The following PSMA6 variants were observed in gnomAD, a reference collection of about 807,000 sequenced individuals.
The protein encoded by PSMA6 is proteasome subunit alpha type-6.
For missense variants in PSMA6, 170 were observed against 294.8 expected (o/e 0.58, Z 3.10); for synonymous variants, 88 against 97.7 (o/e 0.90, Z 0.59).
chr14:35,294,624 T>C (rs1566552593), intron 1 of PSMA6, among the ~76,000 whole-genome samples: 1 of 152,176 alleles, frequency 6.6e-6, no homozygotes, highest in Admixed American at 6.5e-5. Context: ...AGGCAATGTA[T>C]GTAGAGTGCT....
chr14:35,308,741 T>C (rs1239782444), intron 2 of PSMA6, 173 bp from the exon 3 acceptor site: 2 of 523,910 alleles, frequency 3.8e-6, no homozygotes, highest in African/African-American at 4.0e-5. Context: ...GAAACTAAAA[T>C]TGATTTTAAC....
chr14:35,291,823 C>CACAA (rs1407085541), upstream of PSMA6, among the ~76,000 whole-genome samples: 1 of 47,742 alleles, frequency 2.1e-5, no homozygotes, highest in Non-Finnish European at 4.7e-5. Context: ...AACTCTGTCT[C>CACAA]AAAAAAAAAA....
intron 1 of PSMA6, chr14:35,292,933 C>T (rs1479977682): frequency 1.1e-5 from 5 of 469,850 alleles, no homozygotes; most frequent in Admixed American, 4.7e-5. Context: ...TGCCTCCTCT[C>T]CGTTTTCCTT....
chr14:35,309,746 A>C (rs528357782), intron 3 of PSMA6, among the ~76,000 whole-genome samples: 2 of 152,292 alleles, frequency 1.3e-5, no homozygotes, highest in South Asian at 4.1e-4. Flanking sequence ...CAGTGAGCTG[A>C]GATTGTACTA....
chr14:35,285,359 A>AAC (rs1555335409), intron 1 of PSMA6, among the ~76,000 whole-genome samples: 6 of 150,582 alleles, frequency 4.0e-5, no homozygotes, highest in East Asian at 1.9e-4. Context: ...AAAAAACAAA[A>AAC]AAAAAAACCG....
At chr14:35,286,804 C>A (rs2138705854) in intron 1 of PSMA6, among the ~76,000 whole-genome samples, 1 of 152,156 alleles carries the variant, frequency 6.6e-6, no homozygotes, top group East Asian at 1.9e-4. Flanking sequence ...TGTGTGACTT[C>A]TATGTTGCTA....
At chr14:35,282,987 C>T (rs1281037870) in intron 1 of PSMA6, among the ~76,000 whole-genome samples, 7 of 151,954 alleles carry the variant, frequency 4.6e-5, no homozygotes, top group African/African-American at 1.7e-4. Flanking sequence ...GGACTACAGG[C>T]GTGCACCACC....
At chr14:35,304,813 T>C (rs966541673) in intron 1 of PSMA6, among the ~76,000 whole-genome samples, 2 of 152,010 alleles carry the variant, frequency 1.3e-5, no homozygotes, top group African/African-American at 2.4e-5. Flanking sequence ...GGGTTATGGC[T>C]CATACCTGCT....
At chr14:35,292,198 C>T (rs1430049285), upstream of PSMA6, 16 of 800,900 alleles carry the variant, frequency 2.0e-5, no homozygotes, top group Non-Finnish European at 2.7e-5. Flanking sequence ...CTGAAAGCGC[C>T]ACGACCCAAG....
At chr14:35,312,432 G>A (rs535234588) in intron 4 of PSMA6, among the ~76,000 whole-genome samples, 43 of 150,520 alleles carry the variant, frequency 2.9e-4, no homozygotes, top group Admixed American at 6.7e-4. Context: ...GCGTGAACCC[G>A]GGAGGAGGAG....
intron 1 of PSMA6, among the ~76,000 whole-genome samples, chr14:35,301,789 A>T (rs574895384): frequency 3.9e-4 from 60 of 152,234 alleles, no homozygotes; most frequent in African/African-American, 1.4e-3. Flanking sequence ...TAGGGAAGAT[A>T]CTCTTTTGTG....
At chr14:35,310,261 A>G (rs765867658) in intron 3 of PSMA6, 50 of 427,730 alleles carry the variant, frequency 1.2e-4, no homozygotes, top group Non-Finnish European at 1.3e-4. Context: ...GGTTCAAGCA[A>G]TTCTCGTGCC....
chr14:35,294,836 C>T (rs2138717803), intron 1 of PSMA6, among the ~76,000 whole-genome samples: 1 of 151,934 alleles, frequency 6.6e-6, no homozygotes, highest in East Asian at 1.9e-4. Context: ...TGTTTGTAAA[C>T]TTTAGAATCC....
At chr14:35,284,652 C>T (rs2051402127) in intron 1 of PSMA6, among the ~76,000 whole-genome samples, 1 of 152,122 alleles carries the variant, frequency 6.6e-6, no homozygotes, top group South Asian at 2.1e-4. Context: ...CCTCTAATGC[C>T]TACTTCTCCT....
Position 35,308,282 on chromosome 14 carries a change from G to A in PSMA6, c.171+194G>A, listed in dbSNP as rs559555891. 22 of 518,854 alleles carry A rather than the reference G, an allele frequency of 4.2e-5. No individual in the cohort carries two copies. The East Asian group carries it at 5.6e-4, about 13-fold the overall frequency. 32.1% of individuals were successfully genotyped at this position (518,854 alleles called of 1,614,324 possible). ...ATTAAAAATACAAAATTAGTCAGGC[G>A]TGGTGGCACATGCCTGTAATTCCAG... On this transcript the variant is annotated intron_variant, in intron 2 of 6. Transcript: ENST00000261479.
chr14:35,295,755 A>G (rs1566553307), intron 1 of PSMA6, among the ~76,000 whole-genome samples: 1 of 152,214 alleles, frequency 6.6e-6, no homozygotes, highest in Admixed American at 6.5e-5. Context: ...CTCGGCCTGA[A>G]ATATTTCTCT....
chr14:35,309,935 G>T (rs921254971), intron 3 of PSMA6, among the ~76,000 whole-genome samples: 1 of 151,916 alleles, frequency 6.6e-6, no homozygotes, highest in Non-Finnish European at 1.5e-5. Flanking sequence ...TCATGAGACT[G>T]TACTGCAGCC....
Position 35,308,985 on chromosome 14 carries a change from C to G in PSMA6, c.243C>G (p.Thr81=), listed in dbSNP as rs145545043. Residue 81 remains threonine (T), a synonymous_variant, in exon 3 of 7, where the codon ACC becomes ACG. Coordinates refer to ENST00000261479, the MANE Select transcript of PSMA6 (RefSeq NM_002791.3). ...CTGAAAACATTGGTTGTGTGATGAC[C>G]GGAATGACAGGTAATTAATCTGTAG... ...KITENIGCVM[T]GMTADSRSQV... 1 of 1,601,220 alleles carries G rather than the reference C, an allele frequency of 6.2e-7. No individual in the cohort carries two copies. Among genetic ancestry groups the G allele is most frequent in the Non-Finnish European group, 8.5e-7 (1 of 1,169,670 alleles).
chr14:35,307,032 C>G (rs1371105525), intron 1 of PSMA6, among the ~76,000 whole-genome samples: 1 of 152,144 alleles, frequency 6.6e-6, no homozygotes, highest in Non-Finnish European at 1.5e-5. Flanking sequence ...CCTGTAATCC[C>G]AGCTACTCAG....
Sources: gnomAD v4.1 joint callset for allele counts (sites outside exome capture counted in the v4.1 genomes callset) on GRCh38, gnomAD v4.1.1 for gene constraint, MANE v1.5 for transcripts, NCBI Gene and HGNC (gene_info 2026-07-23, HGNC 2026-07-21) for gene names.